The following MRRF variants were observed in gnomAD, a reference collection of about 807,000 sequenced individuals.
MRRF encodes the protein mitochondrial ribosome recycling factor, also known as ribosome-recycling factor, mitochondrial.
In MRRF, 18 loss-of-function variants were observed where a neutral mutation model predicts 25.1. The observed-to-expected ratio is 0.72, with a 90% CI of 0.50 to 1.06. The LOEUF (loss-of-function observed/expected upper bound fraction) is 1.06, where lower values mean the gene tolerates loss of function less well. Among genes scored for constraint, MRRF ranks in the 50% least tolerant of loss-of-function variants. The pLI is 0.00. For missense variants in MRRF, 323 were observed against 319.3 expected (o/e 1.01, Z -0.09); for synonymous variants, 113 against 112.1 (o/e 1.01, Z -0.05).
chr9:122,296,109 C>T (rs1470880459), intron 5 of MRRF, among the ~76,000 whole-genome samples: 1 of 152,062 alleles, frequency 6.6e-6, no homozygotes, highest in East Asian at 1.9e-4. Context: ...TTTACAGCCT[C>T]TGAGACTCAG....
rs55988834 is a variant in MRRF at position 122,322,793 on chromosome 9, C to T, written c.*176C>T. On this transcript the variant is annotated 3_prime_UTR_variant, in exon 7 of 7. Transcript: ENST00000344641. ...AACACTCAGACATGTTCATTCTCTT[C>T]CTGCTTCTGCTCTGGGCCGGTGGGT... is the stretch of plus-strand genomic sequence containing the variant. The T allele has an allele frequency of 3.3e-3, 2,254 of 690,584 alleles. 17 individuals carry two copies. Among genetic ancestry groups the T allele is most frequent in the Non-Finnish European group, 4.3e-3 (1,636 of 379,236 alleles). The allele number at this position is 690,584 out of a possible 1,614,324, so 42.8% of individuals were successfully genotyped here.
intron 6 of MRRF, among the ~76,000 whole-genome samples, chr9:122,317,725 A>G (rs1835624338): frequency 6.6e-6 from 1 of 152,242 alleles, no homozygotes; most frequent in Non-Finnish European, 1.5e-5. Flanking sequence ...TGATGGGATT[A>G]TAAACAATTT....
intron 6 of MRRF, among the ~76,000 whole-genome samples, chr9:122,315,744 C>T (rs969480885): frequency 2.6e-5 from 4 of 152,090 alleles, no homozygotes; most frequent in African/African-American, 7.2e-5. Context: ...CTTGTCATTG[C>T]TTCTTGGTGG....
At chr9:122,293,699 T>C (rs1833911879) in intron 5 of MRRF, among the ~76,000 whole-genome samples, 1 of 152,212 alleles carries the variant, frequency 6.6e-6, no homozygotes. Flanking sequence ...GTTCATTGAT[T>C]TGCTTAGTGA....
Position 122,329,573 on chromosome 9 carries a change from C to G in MRRF, c.*6956C>G, listed in dbSNP as rs1198450867. The G allele has an allele frequency of 6.6e-6, 1 of 152,312 alleles. No homozygotes were observed. Among genetic ancestry groups the G allele is most frequent in the Middle Eastern group, 3.1e-3 (1 of 318 alleles). 9.4% of individuals were successfully genotyped at this position (152,312 alleles called of 1,614,324 possible). On this transcript the variant is annotated 3_prime_UTR_variant, in exon 7 of 7. Coordinates refer to ENST00000344641, the MANE Select transcript of MRRF (RefSeq NM_138777.5). ...CCTCTCTCAGGAAAAGCCTCACCATCCACCCAGGTGCCAAGCCAGGACACT... is the reference window on the plus strand; with the variant it reads ...CCTCTCTCAGGAAAAGCCTCACCATGCACCCAGGTGCCAAGCCAGGACACT...
At chr9:122,312,408 T>C (rs1564511159) in intron 5 of MRRF, among the ~76,000 whole-genome samples, 1 of 152,248 alleles carries the variant, frequency 6.6e-6, no homozygotes, top group Non-Finnish European at 1.5e-5. Context: ...GCTTATTCTT[T>C]CTCAAAATTC....
At chr9:122,313,888 G>A (rs1835357777) in intron 6 of MRRF, among the ~76,000 whole-genome samples, 1 of 152,146 alleles carries the variant, frequency 6.6e-6, no homozygotes, top group African/African-American at 2.4e-5. Context: ...GAGAGACAAG[G>A]GGGAAAAGTG....
chr9:122,318,696 TATC>T (rs1835689129), intron 6 of MRRF, among the ~76,000 whole-genome samples: 1 of 152,230 alleles, frequency 6.6e-6, no homozygotes, highest in South Asian at 2.1e-4. Context: ...GTGACGATGT[TATC>T]ATCTCTATGA....
In MRRF at chr9:122,325,631, G is replaced by GGTGTGTGTGTGTGTGTGTGT. The variant is rs35981240; in HGVS notation, c.*3049_*3068dup. The GGTGTGTGTGTGTGTGTGTGT allele has an allele frequency of 2.7e-4, 32 of 116,626 alleles. No individual in the cohort carries two copies. Among genetic ancestry groups the GGTGTGTGTGTGTGTGTGTGT allele is most frequent in the African/African-American group, 7.6e-4 (22 of 29,052 alleles). 7.2% of individuals were successfully genotyped at this position (116,626 alleles called of 1,614,324 possible). A position where few individuals can be genotyped will look rare whatever the true frequency, so the allele number is the denominator to read the frequency against. On this transcript the variant is annotated 3_prime_UTR_variant, in exon 7 of 7. Transcript: ENST00000344641. ...GAATTTGAGAATTTTTTTCCTGTCT[G>GGTGTGTGTGTGTGTGTGTGT]GTGTGTGTGTGTGTGTGTGTGTGTG...
chr9:122,271,110 C>T, intron 2 of MRRF, 35 bp downstream of exon 2: 1 of 1,573,436 alleles, frequency 6.4e-7, no homozygotes, highest in Non-Finnish European at 8.8e-7. Context: ...TACTTCACCC[C>T]TTTCTTATAG....
chr9:122,265,562 T>G (rs1322902750), intron 1 of MRRF: 6 of 356,690 alleles, frequency 1.7e-5, no homozygotes, highest in Non-Finnish European at 3.3e-5. Context: ...TGCCTTTATT[T>G]TGTTTTAAAC....
chr9:122,313,641 A>G (rs73557046), intron 6 of MRRF, among the ~76,000 whole-genome samples: 3,774 of 152,264 alleles, frequency 0.025, 146 homozygotes, highest in African/African-American at 0.086. Context: ...CATCACTACA[A>G]AACTATGAGG....
At chr9:122,306,447 G>A (rs1223543969) in intron 5 of MRRF, among the ~76,000 whole-genome samples, 1 of 152,126 alleles carries the variant, frequency 6.6e-6, no homozygotes, top group Admixed American at 6.6e-5. Context: ...TTTGACAGAT[G>A]GAAAAACTGA....
chr9:122,266,011 C>G (rs911481989), intron 1 of MRRF, among the ~76,000 whole-genome samples: 2 of 152,218 alleles, frequency 1.3e-5, no homozygotes, highest in Non-Finnish European at 2.9e-5. Flanking sequence ...GCTGGGAAGC[C>G]CAGAACCTAC....
At chr9:122,283,897 T>G (rs1833226926) in intron 3 of MRRF, among the ~76,000 whole-genome samples, 1 of 152,206 alleles carries the variant, frequency 6.6e-6, no homozygotes, top group Non-Finnish European at 1.5e-5. Flanking sequence ...TGAAAATTTT[T>G]CCCAGGGTTT....
At chr9:122,285,064 C>T (rs1833302217) in intron 3 of MRRF, 105 bp from the exon 4 acceptor site, 1 of 756,386 alleles carries the variant, frequency 1.3e-6, no homozygotes, top group Non-Finnish European at 2.4e-6. Context: ...TCTGGGATAA[C>T]AGGCATGAGC....
intron 1 of MRRF, among the ~76,000 whole-genome samples, chr9:122,267,444 A>G (rs1255611803): frequency 6.6e-6 from 1 of 151,872 alleles, no homozygotes; most frequent in Non-Finnish European, 1.5e-5. Context: ...TTTATTGTGT[A>G]CCTACTGGAT....
At chr9:122,305,265 G>C (rs1157615209) in intron 5 of MRRF, among the ~76,000 whole-genome samples, 2 of 151,882 alleles carry the variant, frequency 1.3e-5, no homozygotes. Flanking sequence ...ACAAAAATTA[G>C]CCTGGTGTGG....
chr9:122,323,822 C>T lies in MRRF; in HGVS notation c.*1205C>T, dbSNP rs1325799242. The stretch of plus-strand genomic sequence containing the variant: ...ATTTGCCCAAAGTAACAAAGCAAAG[C>T]TGATCAGTGGTAGAAGGTTTTCATG... On this transcript the variant is annotated 3_prime_UTR_variant, in exon 7 of 7. Coordinates refer to ENST00000344641, the MANE Select transcript of MRRF (RefSeq NM_138777.5). 1 of 152,138 alleles carries T rather than the reference C, an allele frequency of 6.6e-6. No individual in the cohort carries two copies. Among genetic ancestry groups the T allele is most frequent in the African/African-American group, 2.4e-5 (1 of 41,426 alleles). 9.4% of individuals were successfully genotyped at this position (152,138 alleles called of 1,614,324 possible).
Sources: gnomAD v4.1 joint callset for allele counts (sites outside exome capture counted in the v4.1 genomes callset) on GRCh38, gnomAD v4.1.1 for gene constraint, MANE v1.5 for transcripts, NCBI Gene and HGNC (gene_info 2026-07-23, HGNC 2026-07-21) for gene names.